Variants in NSL1 observed in about 807,000 individuals in gnomAD.
NSL1 encodes kinetochore-associated protein NSL1 homolog.
In NSL1, 11 loss-of-function variants were observed where a neutral mutation model predicts 25.4. The ratio of observed to expected loss-of-function variants is 0.43; its 90% CI spans 0.27 to 0.72. The LOEUF is 0.72. Among genes scored for constraint, NSL1 ranks in the 30% least tolerant of loss-of-function variants. The pLI, the probability that NSL1 is intolerant of heterozygous loss-of-function variation, is 0.19. For missense variants in NSL1, 330 were observed against 342.7 expected (o/e 0.96, Z 0.29); for synonymous variants, 118 against 120.6 (o/e 0.98, Z 0.14).
At chr1:212,773,445 T>G (rs1660216869) in intron 4 of NSL1, among the ~76,000 whole-genome samples, 1 of 152,160 alleles carries the variant, frequency 6.6e-6, no homozygotes, top group African/African-American at 2.4e-5. Flanking sequence ...TCAACATAAC[T>G]AAACATCAGG....
chr1:212,772,493 C>CA (rs1558057176), intron 4 of NSL1, among the ~76,000 whole-genome samples: 1 of 151,036 alleles, frequency 6.6e-6, no homozygotes, highest in African/African-American at 2.4e-5. Context: ...TTGTTTCTAC[C>CA]AAAAAACAAA....
At chr1:212,780,427 C>T (rs958529452) in intron 4 of NSL1, among the ~76,000 whole-genome samples, 3 of 148,292 alleles carry the variant, frequency 2.0e-5, no homozygotes, top group Non-Finnish European at 4.5e-5. Context: ...TGTTTATCTG[C>T]TGACCTTCCC....
At chr1:212,773,836 C>T (rs909405908) in intron 4 of NSL1, among the ~76,000 whole-genome samples, 2 of 151,550 alleles carry the variant, frequency 1.3e-5, no homozygotes, top group Admixed American at 1.3e-4. Context: ...TGTATATACA[C>T]AATGGAATAC....
At chr1:212,774,711 C>CCCCT (rs574909691) in intron 4 of NSL1, among the ~76,000 whole-genome samples, 53 of 152,262 alleles carry the variant, frequency 3.5e-4, no homozygotes, top group Admixed American at 1.1e-3. Flanking sequence ...AGAACTGGAA[C>CCCCT]CCCTACACAC....
intron 4 of NSL1, among the ~76,000 whole-genome samples, chr1:212,757,200 A>G (rs1440404573): frequency 1.3e-5 from 2 of 152,198 alleles, no homozygotes; most frequent in Non-Finnish European, 2.9e-5. Context: ...GAGCACAGTA[A>G]GCGAGGGTGA....
Position 212,738,304 on chromosome 1 carries a change from G to A in NSL1, c.*104C>T. 6.7e-7 allele frequency: 1 copy of A among 1,498,892 alleles called. No individual in the cohort carries two copies. Among genetic ancestry groups the A allele is most frequent in the Non-Finnish European group, 8.9e-7 (1 of 1,128,992 alleles). The allele number at this position is 1,498,892 out of a possible 1,614,324, so 92.8% of individuals were successfully genotyped here. On this transcript the variant is annotated 3_prime_UTR_variant, in exon 6 of 6. Transcript: ENST00000366977. ...CTGTATAAATGAATCACTAGTAAAAGAGTTATTTCTTATTTCAAATGAAGT... is the reference window on the plus strand; with the variant it reads ...CTGTATAAATGAATCACTAGTAAAAAAGTTATTTCTTATTTCAAATGAAGT...
At chr1:212,740,832 T>A (rs6702025) in intron 4 of NSL1, among the ~76,000 whole-genome samples, 61,201 of 152,096 alleles carry the variant, frequency 0.4, 13,963 homozygotes, top group Non-Finnish European at 0.51. Context: ...ATATATGTGC[T>A]TCTTTATTGA....
rs1658218042 is a variant in NSL1, at chr1:212,736,004, C to T, written c.*2404G>A. ...CAGAAACCAGCTTTGACAGTGTTCT[C>T]TCTTCTTTGGGACTAGACTTAACCT... is the stretch of plus-strand genomic sequence containing the variant. On this transcript the variant is annotated 3_prime_UTR_variant, in exon 6 of 6. Transcript: ENST00000366977. 3.0e-6 allele frequency: 3 copies of T among 985,266 alleles called. No individual in the cohort carries two copies. Among genetic ancestry groups the T allele is most frequent in the Non-Finnish European group, 3.6e-6 (3 of 829,920 alleles). The allele number at this position is 985,266 out of a possible 1,614,324, so 61.0% of individuals were successfully genotyped here. A position where few individuals can be genotyped will look rare whatever the true frequency, so the allele number is the denominator to read the frequency against.
In NSL1 at chr1:212,726,988, G is replaced by T; in HGVS notation, c.*11420C>A. 2.4e-6 allele frequency: 2 copies of T among 828,646 alleles called. No individual in the cohort carries two copies. The highest frequency in any genetic ancestry group is 3.6e-6 in the Non-Finnish European group (2 of 550,450). The allele number at this position is 828,646 out of a possible 1,614,324, so 51.3% of individuals were successfully genotyped here. A position where few individuals can be genotyped will look rare whatever the true frequency, so the allele number is the denominator to read the frequency against. ...CAGGGAGAGTGTGCTTCCTGGCTGT[G>T]TCCTCTCAGAGGCCCTCCAGTCCAG... is the stretch of plus-strand genomic sequence containing the variant. On this transcript the variant is annotated 3_prime_UTR_variant, in exon 6 of 6. Transcript: ENST00000366977.
At chr1:212,787,868 T>C (rs1273849938) in intron 1 of NSL1, among the ~76,000 whole-genome samples, 3 of 152,038 alleles carry the variant, frequency 2.0e-5, no homozygotes, top group Non-Finnish European at 4.4e-5. Flanking sequence ...ATTTAAAATT[T>C]TGGAATATTC....
intron 4 of NSL1, among the ~76,000 whole-genome samples, chr1:212,777,371 CA>C (rs1021193682): frequency 1.0e-3 from 134 of 131,420 alleles, no homozygotes; most frequent in Admixed American, 3.9e-3. Context: ...CAGCCTGCCT[CA>C]AAAAAAAAAA....
In NSL1 at chr1:212,745,871, G is replaced by A. The variant is rs991484315; in HGVS notation, c.500-6270C>T. 4.6e-5 allele frequency among the ~76,000 whole-genome samples: 7 copies of A among 152,108 alleles called. No homozygotes were observed. The East Asian group carries it at 1.3e-3, about 29-fold the overall frequency. ...TCCCAGCTACTCAGGAGACTGAGGTGGATGGATCACCTGAGCCCAGGGAGG... is the reference window on the plus strand; with the variant it reads ...TCCCAGCTACTCAGGAGACTGAGGTAGATGGATCACCTGAGCCCAGGGAGG... On this transcript the variant is annotated intron_variant, in intron 4 of 5. Coordinates refer to ENST00000366977, the MANE Select transcript of NSL1 (RefSeq NM_015471.4).
At chr1:212,744,807 G>A (rs1245236147) in intron 4 of NSL1, among the ~76,000 whole-genome samples, 2 of 152,122 alleles carry the variant, frequency 1.3e-5, no homozygotes, top group African/African-American at 4.8e-5. Context: ...GCCAAATGAA[G>A]TCTAAGAGAT....
rs750275587 is a variant in NSL1 at position 212,791,534 on chromosome 1, T to A, written c.230A>T (p.Gln77Leu). 2 of 1,613,164 alleles carry A rather than the reference T, an allele frequency of 1.2e-6. No homozygotes were observed. Among genetic ancestry groups the A allele is most frequent in the Non-Finnish European group, 1.7e-6 (2 of 1,179,798 alleles). Residue 77 changes from glutamine to leucine, a missense_variant, in exon 1 of 6, where the codon CAG (glutamine) becomes CTG (leucine). Coordinates refer to ENST00000366977, the MANE Select transcript of NSL1 (RefSeq NM_015471.4). Reference sequence around the variant, plus strand: ...ACTGGCTAACTGGTCCCGTACCCACTGCGCATCTCGCAGAGCGGGCTCCCG... The same window carrying A: ...ACTGGCTAACTGGTCCCGTACCCACAGCGCATCTCGCAGAGCGGGCTCCCG... ...EIREPALRDA[Q>L]WTFESAVQEN...
chr1:212,745,251 CA>C (rs1289700231), intron 4 of NSL1, among the ~76,000 whole-genome samples: 5 of 147,846 alleles, frequency 3.4e-5, no homozygotes, highest in African/African-American at 1.3e-4. Context: ...AGAGAAGAGA[CA>C]GGGGCAGAAA....
chr1:212,764,357 C>G (rs541040507), intron 4 of NSL1, among the ~76,000 whole-genome samples: 1 of 151,962 alleles, frequency 6.6e-6, no homozygotes, highest in Non-Finnish European at 1.5e-5. Flanking sequence ...TGTCACATCA[C>G]AAAGAAATAG....
Position 212,738,259 on chromosome 1 carries a change from C to A in NSL1, c.*149G>T. The stretch of plus-strand genomic sequence containing the variant: ...AGGAAATACAATATTATATCATATC[C>A]CCGCACAGAGATACTATATCTGTAT... On this transcript the variant is annotated 3_prime_UTR_variant, in exon 6 of 6. Coordinates refer to ENST00000366977, the MANE Select transcript of NSL1 (RefSeq NM_015471.4). The A allele has an allele frequency of 7.1e-7, 1 of 1,407,474 alleles. No homozygotes were observed. Among genetic ancestry groups the A allele is most frequent in the Non-Finnish European group, 9.3e-7 (1 of 1,078,780 alleles). The allele number at this position is 1,407,474 out of a possible 1,614,324, so 87.2% of individuals were successfully genotyped here.
intron 4 of NSL1, among the ~76,000 whole-genome samples, chr1:212,764,843 CAAAAAAAAA>C (rs3086471): frequency 2.8e-4 from 11 of 38,872 alleles, no homozygotes; most frequent in Admixed American, 2.2e-3. Flanking sequence ...AAGACTGTCT[CAAAAAAAAA>C]AAAAAAAAAA....
intron 1 of NSL1, among the ~76,000 whole-genome samples, chr1:212,790,076 A>C (rs1391257053): frequency 3.3e-5 from 5 of 151,626 alleles, no homozygotes; most frequent in Non-Finnish European, 7.4e-5. Flanking sequence ...TGCAGTGGCG[A>C]GATCTGGGCT....
Sources: allele counts gnomAD v4.1 joint callset (sites outside exome capture counted in the v4.1 genomes callset), GRCh38; gene constraint gnomAD v4.1.1; transcripts MANE v1.5; gene names NCBI Gene and HGNC (gene_info 2026-07-23, HGNC 2026-07-21).